DLGAP1: variants seen among roughly 807,000 people sequenced by gnomAD.
DLGAP1 encodes DLG associated protein 1, also known as disks large-associated protein 1.
DLGAP1 carries 11 observed loss-of-function variants against 90.8 expected under a neutral mutation model. The ratio of observed to expected loss-of-function variants is 0.12; its 90% CI spans 0.08 to 0.20. The LOEUF (loss-of-function observed/expected upper bound fraction) is 0.20. Among genes scored for constraint, DLGAP1 ranks in the 10% least tolerant of loss-of-function variants. The pLI, the probability that DLGAP1 is intolerant of heterozygous loss-of-function variation, is 1.00. For missense variants in DLGAP1, 1,050 were observed against 1,333.8 expected (o/e 0.79, Z 3.31); for synonymous variants, 558 against 540.7 (o/e 1.03, Z -0.44).
chr18:3,818,342 GA>G (rs2067207431), intron 4 of DLGAP1, among the ~76,000 whole-genome samples: 1 of 136,280 alleles, frequency 7.3e-6, no homozygotes, highest in Non-Finnish European at 1.5e-5. Context: ...GGGATGTAGG[GA>G]TGGTTTTTTT....
intron 9 of DLGAP1, among the ~76,000 whole-genome samples, 179 bp from the exon 10 acceptor site, chr18:3,534,794 C>T (rs1277160211): frequency 6.0e-5 from 9 of 150,674 alleles, no homozygotes; most frequent in Non-Finnish European, 1.2e-4. Flanking sequence ...CAGGTTCAAG[C>T]GATTCTCCCA....
intron 2 of DLGAP1, among the ~76,000 whole-genome samples, chr18:4,097,506 T>A (rs990509147): frequency 4.6e-5 from 7 of 152,230 alleles, no homozygotes; most frequent in African/African-American, 1.7e-4. Context: ...ATCCTCCATT[T>A]TTCCTTCCCT....
chr18:3,568,773 G>A (rs189597921), intron 8 of DLGAP1, among the ~76,000 whole-genome samples: 60 of 151,464 alleles, frequency 4.0e-4, no homozygotes, highest in Non-Finnish European at 6.5e-4. Flanking sequence ...CGCAAGCTCC[G>A]CCTCCCAGGT....
intron 5 of DLGAP1, among the ~76,000 whole-genome samples, chr18:3,765,276 G>A (rs576866659): frequency 2.3e-4 from 35 of 150,676 alleles, no homozygotes; most frequent in South Asian, 6.3e-4. Flanking sequence ...AACTACAGGC[G>A]CCCGCCACCA....
chr18:3,613,218 G>A (rs1358625457), intron 7 of DLGAP1, among the ~76,000 whole-genome samples: 1 of 152,072 alleles, frequency 6.6e-6, no homozygotes, highest in Non-Finnish European at 1.5e-5. Flanking sequence ...CAGGTTACAT[G>A]AATTGTTGGT....
intron 2 of DLGAP1, among the ~76,000 whole-genome samples, chr18:4,033,826 G>A (rs560992154): frequency 2.3e-4 from 34 of 149,852 alleles, no homozygotes; most frequent in Admixed American, 1.9e-3. Context: ...TGCAACCTCT[G>A]CCTCCCGGGT....
chr18:3,886,796 G>A (rs2071328048), intron 3 of DLGAP1, among the ~76,000 whole-genome samples: 1 of 152,228 alleles, frequency 6.6e-6, no homozygotes, highest in African/African-American at 2.4e-5. Context: ...GTGCCTGGGT[G>A]ACTATGCTGG....
At chr18:3,542,761 C>T (rs2052765923) in intron 9 of DLGAP1, among the ~76,000 whole-genome samples, 1 of 152,156 alleles carries the variant, frequency 6.6e-6, no homozygotes, top group African/African-American at 2.4e-5. Context: ...GCGATGATTG[C>T]TTTATAAATT....
chr18:4,076,084 G>A (rs2075519300), intron 2 of DLGAP1, among the ~76,000 whole-genome samples: 1 of 152,138 alleles, frequency 6.6e-6, no homozygotes, highest in Non-Finnish European at 1.5e-5. Flanking sequence ...ATTGAAGTGA[G>A]GCCACACAGT....
At chr18:4,114,685 T>G (rs1234954812) in intron 2 of DLGAP1, among the ~76,000 whole-genome samples, 1 of 152,128 alleles carries the variant, frequency 6.6e-6, no homozygotes, top group East Asian at 1.9e-4. Context: ...ATTAACCCTG[T>G]TATCTTTATG....
intron 10 of DLGAP1, among the ~76,000 whole-genome samples, chr18:3,509,749 G>A (rs1189049460): frequency 6.6e-6 from 1 of 152,150 alleles, no homozygotes; most frequent in East Asian, 1.9e-4. Flanking sequence ...TCTGAGCGAC[G>A]GAAACTGAAG....
intron 3 of DLGAP1, among the ~76,000 whole-genome samples, chr18:3,929,847 T>C (rs886771417): frequency 5.3e-5 from 8 of 152,242 alleles, no homozygotes; most frequent in African/African-American, 1.7e-4. Context: ...TGTAGATAAA[T>C]ATTTGTACAT....
chr18:3,899,861 C>G (rs770431080), intron 3 of DLGAP1, among the ~76,000 whole-genome samples: 8 of 152,182 alleles, frequency 5.3e-5, no homozygotes, highest in Non-Finnish European at 1.2e-4. Flanking sequence ...GCTGCTACTT[C>G]ACCTTTTTAA....
At chr18:4,366,460 A>G (rs2081769070) in intron 1 of DLGAP1, among the ~76,000 whole-genome samples, 1 of 152,084 alleles carries the variant, frequency 6.6e-6, no homozygotes, top group African/African-American at 2.4e-5. Context: ...TACAAGAATT[A>G]TTTCTTGTAG....
At chr18:3,575,245 C>T (rs1156455839) in intron 8 of DLGAP1, among the ~76,000 whole-genome samples, 5 of 152,060 alleles carry the variant, frequency 3.3e-5, no homozygotes, top group Non-Finnish European at 7.3e-5. Flanking sequence ...TAATATATAT[C>T]TGTACACTTG....
chr18:3,903,228 C>T (rs184277863), intron 3 of DLGAP1, among the ~76,000 whole-genome samples: 41 of 152,288 alleles, frequency 2.7e-4, no homozygotes, highest in African/African-American at 8.9e-4. Flanking sequence ...GACCTGCTTA[C>T]AGATGCTACC....
At chr18:3,750,243 C>T (rs575151956) in intron 5 of DLGAP1, among the ~76,000 whole-genome samples, 17 of 152,232 alleles carry the variant, frequency 1.1e-4, no homozygotes, top group East Asian at 5.8e-4. Flanking sequence ...TTGTTTCCTG[C>T]GTTAATTTGC....
chr18:3,623,061 T>G (rs1325472920), intron 7 of DLGAP1, among the ~76,000 whole-genome samples: 1 of 152,038 alleles, frequency 6.6e-6, no homozygotes, highest in African/African-American at 2.4e-5. Context: ...TGCCTCTGCC[T>G]CCCAAAGTGC....
intron 5 of DLGAP1, among the ~76,000 whole-genome samples, chr18:3,802,597 T>C (rs569077788): frequency 2.0e-5 from 3 of 152,360 alleles, no homozygotes; most frequent in African/African-American, 7.2e-5. Flanking sequence ...TTTCAATTCC[T>C]ATTAGTTTTT....
Sources: gnomAD v4.1 joint callset for allele counts (sites outside exome capture counted in the v4.1 genomes callset) on GRCh38, gnomAD v4.1.1 for gene constraint, MANE v1.5 for transcripts, NCBI Gene and HGNC (gene_info 2026-07-23, HGNC 2026-07-21) for gene names.